The following ZNF536 variants were observed in gnomAD, a reference collection of about 807,000 sequenced individuals.
The protein encoded by ZNF536 is zinc finger protein 536.
A neutral mutation model predicts 84.5 loss-of-function variants in ZNF536; 13 were observed. The observed-to-expected ratio is 0.15, with a 90% confidence interval of 0.10 to 0.24. The LOEUF (loss-of-function observed/expected upper bound fraction) is 0.24, where lower values mean the gene tolerates loss of function less well. Ranked by LOEUF, ZNF536 falls within the 10% of genes least tolerant of loss-of-function variation. ZNF536 has a pLI of 1.00. For synonymous variants in ZNF536, 811 were observed against 742.5 expected (o/e 1.09, Z -1.50); for missense variants, 1,536 against 1,747.5 (o/e 0.88, Z 2.16).
intron 1 of ZNF536, among the ~76,000 whole-genome samples, chr19:30,570,642 A>G (rs183742492): frequency 3.9e-5 from 6 of 152,284 alleles, no homozygotes; most frequent in Admixed American, 6.5e-5. Context: ...AAACGTTCCC[A>G]TTGGACAGGC....
At chr19:30,591,993 A>G (rs892633315) in intron 1 of ZNF536, among the ~76,000 whole-genome samples, 2 of 152,182 alleles carry the variant, frequency 1.3e-5, no homozygotes, top group Non-Finnish European at 2.9e-5. Flanking sequence ...TTAAAGGTCT[A>G]TTGTCTTGCA....
At chr19:30,708,920 C>A (rs1457017204) in intron 1 of ZNF536, among the ~76,000 whole-genome samples, 1 of 152,176 alleles carries the variant, frequency 6.6e-6, no homozygotes, top group Non-Finnish European at 1.5e-5. Flanking sequence ...AGTGATGGGG[C>A]TCTCCATTTA....
intron 2 of ZNF536, among the ~76,000 whole-genome samples, chr19:30,321,146 C>G (rs980811509): frequency 6.6e-6 from 1 of 152,216 alleles, no homozygotes. Flanking sequence ...TCCCAGCCCT[C>G]TCTTCTGCAA....
At chr19:30,421,744 TG>T (rs1233043390) in intron 1 of ZNF536, among the ~76,000 whole-genome samples, 1 of 152,168 alleles carries the variant, frequency 6.6e-6, no homozygotes. Context: ...TCACGCTCCC[TG>T]GGATCTCCAG....
intron 2 of ZNF536, among the ~76,000 whole-genome samples, chr19:30,520,162 C>T (rs1268347435): frequency 6.6e-6 from 1 of 152,084 alleles, no homozygotes; most frequent in East Asian, 1.9e-4. Context: ...GCCAGTAGGG[C>T]CAGCTCTGGG....
At chr19:30,383,835 TTTCCTTCC>T (rs200232895) in intron 1 of ZNF536, among the ~76,000 whole-genome samples, 25,574 of 94,818 alleles carry the variant, frequency 0.27, 4,145 homozygotes, top group East Asian at 0.36. Context: ...TTTCTCCTTC[TTTCCTTCC>T]TTCCTTCCTT....
intron 1 of ZNF536, among the ~76,000 whole-genome samples, chr19:30,386,693 C>A (rs187225455): frequency 6.6e-6 from 1 of 152,318 alleles, no homozygotes; most frequent in Admixed American, 6.5e-5. Context: ...TCTCTTCTGA[C>A]ATGTAGTGGG....
At chr19:30,261,291 C>A (rs1286395248) in intron 1 of ZNF536, among the ~76,000 whole-genome samples, 1 of 114,978 alleles carries the variant, frequency 8.7e-6, no homozygotes, top group African/African-American at 3.4e-5. Flanking sequence ...GAGCGAGACT[C>A]CGTCTCAAAA....
chr19:30,706,045 A>T (rs1219769210), intron 1 of ZNF536, among the ~76,000 whole-genome samples: 1 of 152,256 alleles, frequency 6.6e-6, no homozygotes, highest in Non-Finnish European at 1.5e-5. Context: ...TTGCAAATAA[A>T]GGTGATATCT....
chr19:30,428,719 GA>G (rs1435064410), intron 1 of ZNF536, among the ~76,000 whole-genome samples: 3 of 152,214 alleles, frequency 2.0e-5, no homozygotes, highest in African/African-American at 7.2e-5. Flanking sequence ...AGATAGTACA[GA>G]GTGTCCAACA....
chr19:30,270,656 T>C (rs1167453665), intron 1 of ZNF536, among the ~76,000 whole-genome samples: 1 of 152,196 alleles, frequency 6.6e-6, no homozygotes, highest in Admixed American at 6.5e-5. Context: ...TGGTGAATTA[T>C]CCATCGGTAT....
chr19:30,569,300 A>G (rs1224536376), intron 1 of ZNF536, among the ~76,000 whole-genome samples: 2 of 151,996 alleles, frequency 1.3e-5, no homozygotes, highest in African/African-American at 2.4e-5. Context: ...TAGCTAGAGG[A>G]AAGTCTGGGC....
chr19:30,322,952 G>C (rs896367809), intron 2 of ZNF536, among the ~76,000 whole-genome samples: 1 of 152,204 alleles, frequency 6.6e-6, no homozygotes, highest in African/African-American at 2.4e-5. Flanking sequence ...CTTAGGGGAA[G>C]CACACCATGT....
chr19:30,354,247 G>A (rs2048025154), intron 3 of ZNF536, among the ~76,000 whole-genome samples: 1 of 152,110 alleles, frequency 6.6e-6, no homozygotes, highest in South Asian at 2.1e-4. Context: ...GAAGGGACAT[G>A]TGTGTCCTCT....
intron 1 of ZNF536, among the ~76,000 whole-genome samples, chr19:30,658,378 A>C (rs1171252180): frequency 6.6e-6 from 1 of 152,126 alleles, no homozygotes; most frequent in African/African-American, 2.4e-5. Context: ...GCCCAGAGTG[A>C]TCAGGTCATT....
At chr19:30,424,226 A>G (rs907448801) in intron 1 of ZNF536, among the ~76,000 whole-genome samples, 1 of 152,142 alleles carries the variant, frequency 6.6e-6, no homozygotes, top group Admixed American at 6.5e-5. Flanking sequence ...TCCAAGGCAC[A>G]CACACAGTGG....
At chr19:30,424,780 G>C (rs1193811263) in intron 1 of ZNF536, among the ~76,000 whole-genome samples, 1 of 152,178 alleles carries the variant, frequency 6.6e-6, no homozygotes, top group East Asian at 1.9e-4. Context: ...AGACCCATTA[G>C]TGGGATTTCA....
At chr19:30,326,566 A>G (rs577388289) in intron 2 of ZNF536, among the ~76,000 whole-genome samples, 1 of 152,128 alleles carries the variant, frequency 6.6e-6, no homozygotes, top group East Asian at 1.9e-4. Context: ...GGGCCAGGGG[A>G]TGGTGACTGC....
At chr19:30,517,944 G>A (rs1220997132) in intron 2 of ZNF536, among the ~76,000 whole-genome samples, 1 of 152,168 alleles carries the variant, frequency 6.6e-6, no homozygotes, top group Non-Finnish European at 1.5e-5. Flanking sequence ...ACTTGGGCGA[G>A]GTCATTAACG....
Sources: gnomAD v4.1 joint callset for allele counts (sites outside exome capture counted in the v4.1 genomes callset) on GRCh38, gnomAD v4.1.1 for gene constraint, MANE v1.5 for transcripts, NCBI Gene and HGNC (gene_info 2026-07-23, HGNC 2026-07-21) for gene names.